KLHL12: variants seen among roughly 807,000 people sequenced by gnomAD.
KLHL12 encodes kelch-like protein 12.
Under a neutral mutation model 60.8 loss-of-function variants are expected in KLHL12, and 17 were observed. The observed-to-expected ratio is 0.28, with a 90% CI of 0.19 to 0.42. The LOEUF is 0.42. Among genes scored for constraint, KLHL12 ranks in the 10% least tolerant of loss-of-function variants. KLHL12 has a pLI of 1.00. For synonymous variants in KLHL12, 220 were observed against 250.9 expected, an observed-to-expected ratio of 0.88 and a Z score of 1.16; for missense variants, 468 against 722.3, an observed-to-expected ratio of 0.65 and a Z score of 4.04.
Position 202,893,316 on chromosome 1 carries a change from T to C in KLHL12, c.1503A>G (p.Thr501=). The C allele has an allele frequency of 6.2e-7, 1 of 1,613,806 alleles. No individual in the cohort carries two copies. ...EAYNIRTDSW[T]TVTSMTTPRC... The stretch of plus-strand genomic sequence containing the variant: ...GTGGAGTGGTCATACTGGTGACAGT[T>C]GTCCAGGAATCAGTGCGAATGTTGT... Residue 501 remains threonine (T), a synonymous_variant, in exon 11 of 12, where the codon ACA becomes ACG. Transcript: ENST00000367261. The surrounding 1 kb of genome is among the most constrained non-coding windows in gnomAD (Gnocchi z 4.1).
At chr1:202,892,700 C>T (rs1385274643) in intron 11 of KLHL12, 41 bp from the exon 12 acceptor site, 17 of 1,603,094 alleles carry the variant, frequency 1.1e-5, no homozygotes, top group African/African-American at 5.3e-5. Context: ...GAGTCAGCTG[C>T]GTGCAGTGGC....
chr1:202,897,228 C>CTTTTTTTTTTTTTTTTTTTTTTTTTTTT (rs11305071), intron 6 of KLHL12, among the ~76,000 whole-genome samples: 2 of 82,262 alleles, frequency 2.4e-5, no homozygotes, highest in Non-Finnish European at 2.3e-5. Flanking sequence ...ATTTCTTTTT[C>CTTTTTTTTTTTTTTTTTTTTTTTTTTTT]TTTTTTTTTT....
At chr1:202,905,890 C>T (rs1660168021) in intron 6 of KLHL12, among the ~76,000 whole-genome samples, 1 of 150,018 alleles carries the variant, frequency 6.7e-6, no homozygotes, top group African/African-American at 2.4e-5. Context: ...CTGCAGGCTC[C>T]ATCTCCTGGG....
At chr1:202,897,467 G>T (rs896623820) in intron 6 of KLHL12, among the ~76,000 whole-genome samples, 1 of 151,680 alleles carries the variant, frequency 6.6e-6, no homozygotes, top group Non-Finnish European at 1.5e-5. Flanking sequence ...CAAGTGATCC[G>T]CCAGCCTCGA....
chr1:202,927,674 T>A (rs1313747269), upstream of KLHL12, among the ~76,000 whole-genome samples: 46 of 75,400 alleles, frequency 6.1e-4, no homozygotes, highest in African/African-American at 1.1e-3. Flanking sequence ...TGAGACCCTG[T>A]AAAAAAAAAA....
rs1017731207 is a variant in KLHL12, at chr1:202,927,123, C to G, written c.-80G>C. The G allele has an allele frequency of 2.5e-5, 25 of 985,410 alleles. 2 individuals are homozygous for G. The South Asian group carries it at 1.0e-3, about 41-fold the overall frequency. The allele number at this position is 985,410 out of a possible 1,614,324, so 61.0% of individuals were successfully genotyped here. On this transcript the variant is annotated 5_prime_UTR_variant, in exon 1 of 12. Transcript: ENST00000367261. ...CGAACCCACACAGCCGCACCGGGCCCGTCCCCAGCCTGTGGGGATGGAGTG... is the reference window on the plus strand; with the variant it reads ...CGAACCCACACAGCCGCACCGGGCCGGTCCCCAGCCTGTGGGGATGGAGTG...
intron 6 of KLHL12, among the ~76,000 whole-genome samples, chr1:202,905,973 T>TTTC (rs1660173097): frequency 7.6e-6 from 1 of 132,162 alleles, no homozygotes; most frequent in Non-Finnish European, 1.6e-5. Flanking sequence ...CCTGGCTTTT[T>TTTC]TTTTTTTTTT....
Position 202,894,225 on chromosome 1 carries a change from C to A in KLHL12, c.1352G>T (p.Gly451Val). The change falls in exon 10 of 12, where the codon GGA (glycine) becomes GTA (valine). Residue 451 changes from glycine to valine, a missense_variant. Physicochemically the swap from Gly to Val is moderately radical, Grantham distance 109. Around this residue, in one of 4 missense-constraint regions of KLHL12, gnomAD observed 339 missense variants for 525.0 expected, o/e 0.65. Coordinates refer to ENST00000367261, the MANE Select transcript of KLHL12 (RefSeq NM_021633.4). ...CATTGGTGTAACATTAGTCCAATGT[C>A]CTGTATGAGGGTCGTATTTCTCAAC... is the stretch of plus-strand genomic sequence containing the variant. Reference protein sequence around the residue: ...NSVEKYDPHTGHWTNVTPMAT... With the variant: ...NSVEKYDPHTVHWTNVTPMAT... The A allele has an allele frequency of 6.4e-7, 1 of 1,558,156 alleles. No individual in the cohort carries two copies. Among genetic ancestry groups the A allele is most frequent in the Non-Finnish European group, 8.7e-7 (1 of 1,149,724 alleles).
intron 4 of KLHL12, among the ~76,000 whole-genome samples, chr1:202,913,943 A>G (rs910808402): frequency 1.3e-5 from 2 of 152,226 alleles, no homozygotes; most frequent in Admixed American, 6.5e-5. Context: ...CAAACCAGAC[A>G]CTATAGATAT....
At chr1:202,924,472 G>T (rs933083881) in intron 2 of KLHL12, among the ~76,000 whole-genome samples, 4 of 152,152 alleles carry the variant, frequency 2.6e-5, no homozygotes, top group Admixed American at 6.5e-5. Flanking sequence ...AGGAAAAAAG[G>T]CTGGATGCCG....
chr1:202,893,198 C>T lies in KLHL12; in HGVS notation c.1580+41G>A. 6.6e-7 allele frequency: 1 copy of T among 1,505,490 alleles called. No homozygotes were observed. The highest frequency in any genetic ancestry group is 9.0e-7 in the Non-Finnish European group (1 of 1,110,110). 93.3% of individuals were successfully genotyped at this position (1,505,490 alleles called of 1,614,324 possible). Reference sequence around the variant, plus strand: ...GGATCAGATCACATAGACTCTTGCTCTGGCTACATATTGAGTCTGGATTCG... The same window carrying T: ...GGATCAGATCACATAGACTCTTGCTTTGGCTACATATTGAGTCTGGATTCG... On this transcript the variant is annotated intron_variant, in intron 11 of 11. Transcript: ENST00000367261. The surrounding 1 kb of genome is among the most constrained non-coding windows in gnomAD (Gnocchi z 4.1).
chr1:202,904,123 A>G (rs1229475950), intron 6 of KLHL12, among the ~76,000 whole-genome samples: 2 of 151,774 alleles, frequency 1.3e-5, no homozygotes, highest in East Asian at 3.9e-4. Flanking sequence ...GGTTCAAGCA[A>G]TTTCCCGAGT....
At chr1:202,901,773 TTTGA>T (rs1660014953) in intron 6 of KLHL12, among the ~76,000 whole-genome samples, 1 of 152,218 alleles carries the variant, frequency 6.6e-6, no homozygotes, top group African/African-American at 2.4e-5. Context: ...CAACAGAGCT[TTTGA>T]TAACTATGAG....
chr1:202,907,187 C>G (rs1430921518), intron 6 of KLHL12, among the ~76,000 whole-genome samples: 1 of 152,094 alleles, frequency 6.6e-6, no homozygotes, highest in Non-Finnish European at 1.5e-5. Context: ...TAAAAGTTCT[C>G]TTTTTAAAAA....
chr1:202,920,019 T>G (rs1272874602), intron 2 of KLHL12, 111 bp from the exon 3 acceptor site: 2 of 1,057,484 alleles, frequency 1.9e-6, no homozygotes, highest in East Asian at 5.4e-5. Context: ...AACATTTATC[T>G]TTAAAAATTA....
chr1:202,928,403 C>G (rs1018174352), upstream of KLHL12: 7 of 844,000 alleles, frequency 8.3e-6, no homozygotes, highest in East Asian at 4.5e-4. Context: ...TCCTCCCTAC[C>G]GCTCACTAGG....
At position 202,894,298 on chromosome 1, in the gene KLHL12, C is replaced by A; in HGVS notation, c.1295-16G>T. The A allele has an allele frequency of 6.6e-7, 1 of 1,504,876 alleles. No individual in the cohort carries two copies. Among genetic ancestry groups the A allele is most frequent in the South Asian group, 1.2e-5 (1 of 83,150 alleles). The allele number at this position is 1,504,876 out of a possible 1,614,324, so 93.2% of individuals were successfully genotyped here. A position where few individuals can be genotyped will look rare whatever the true frequency, so the allele number is the denominator to read the frequency against. Reference sequence around the variant, plus strand: ...TCATATCCTCCTGGAAGACAGAGACCATTCCAGAAAGAGTGGTAAATCCTC... The same window carrying A: ...TCATATCCTCCTGGAAGACAGAGACAATTCCAGAAAGAGTGGTAAATCCTC... On this transcript the variant is annotated splice_polypyrimidine_tract_variant and intron_variant, in intron 9 of 11. Coordinates refer to ENST00000367261, the MANE Select transcript of KLHL12 (RefSeq NM_021633.4).
At chr1:202,925,264 T>TTAA (rs1201125058) in intron 1 of KLHL12, 57 bp from the exon 2 acceptor site, 1 of 1,529,434 alleles carries the variant, frequency 6.5e-7, no homozygotes, top group African/African-American at 1.4e-5. Context: ...CAACTGAACA[T>TTAA]ATTTAATTAG....
intron 6 of KLHL12, among the ~76,000 whole-genome samples, chr1:202,903,988 CTATG>C (rs1171837531): frequency 6.0e-5 from 9 of 149,642 alleles, no homozygotes; most frequent in African/African-American, 1.0e-4. Flanking sequence ...ATCTATCTAT[CTATG>C]TATCTATCTA....
Sources: gnomAD v4.1 joint callset for allele counts (sites outside exome capture counted in the v4.1 genomes callset) on GRCh38, gnomAD v4.1.1 for gene constraint, gnomAD v4.1.1 regional missense constraint, Gnocchi (gnomAD v3.1) non-coding constraint, MANE v1.5 for transcripts, NCBI Gene and HGNC (gene_info 2026-07-23, HGNC 2026-07-21) for gene names.